CEP112: variants seen among roughly 807,000 people sequenced by gnomAD.
CEP112 encodes centrosomal protein 112, also known as centrosomal protein of 112 kDa.
In CEP112, 127 loss-of-function variants were observed where a neutral mutation model predicts 153.0. The ratio of observed to expected loss-of-function variants is 0.83; its 90% CI spans 0.72 to 0.96. The LOEUF (loss-of-function observed/expected upper bound fraction) is 0.96, where lower values mean the gene tolerates loss of function less well. Among genes scored for constraint, CEP112 ranks in the 40% least tolerant of loss-of-function variants. CEP112 has a pLI of 0.00. For synonymous variants in CEP112, 358 were observed against 374.4 expected, an observed-to-expected ratio of 0.96 and a Z score of 0.51; for missense variants, 1,089 against 1,101.2, an observed-to-expected ratio of 0.99 and a Z score of 0.16.
chr17:66,008,853 T>A (rs369505763), intron 16 of CEP112, among the ~76,000 whole-genome samples: 1 of 137,062 alleles, frequency 7.3e-6, no homozygotes, highest in African/African-American at 2.5e-5. Flanking sequence ...TAAGGCTGCA[T>A]AGTATTCCAC....
intron 6 of CEP112, among the ~76,000 whole-genome samples, chr17:66,127,508 T>C (rs2146503305): frequency 6.8e-6 from 1 of 146,904 alleles, no homozygotes; most frequent in Non-Finnish European, 1.5e-5. Flanking sequence ...TCTCCTTCTC[T>C]AGAAAACTCC....
chr17:65,852,273 C>G, intron 20 of CEP112, among the ~76,000 whole-genome samples: 1 of 60,720 alleles, frequency 1.6e-5, no homozygotes, highest in Non-Finnish European at 3.4e-5. Flanking sequence ...TCCCTCCCTC[C>G]CTCCTTCCCT....
At chr17:65,856,208 A>G (rs1028858868) in intron 20 of CEP112, among the ~76,000 whole-genome samples, 3 of 152,230 alleles carry the variant, frequency 2.0e-5, no homozygotes, top group African/African-American at 7.2e-5. Flanking sequence ...CAAGTTAGCT[A>G]AAGCCAAAGA....
intron 21 of CEP112, among the ~76,000 whole-genome samples, chr17:65,798,964 C>T (rs2055099792): frequency 6.6e-6 from 1 of 152,154 alleles, no homozygotes; most frequent in South Asian, 2.1e-4. Context: ...AATGAACTAA[C>T]TCATTTACTA....
At chr17:65,734,071 G>A (rs2050663821) in intron 23 of CEP112, among the ~76,000 whole-genome samples, 2 of 152,226 alleles carry the variant, frequency 1.3e-5, no homozygotes, top group Non-Finnish European at 2.9e-5. Flanking sequence ...AGGACCCACT[G>A]CAGATACAGC....
chr17:65,747,592 C>T (rs1202837170), intron 22 of CEP112, among the ~76,000 whole-genome samples: 6 of 152,092 alleles, frequency 3.9e-5, no homozygotes, highest in African/African-American at 2.4e-5. Flanking sequence ...ATGTTTTAAG[C>T]GGACTAAACT....
intron 16 of CEP112, among the ~76,000 whole-genome samples, chr17:66,026,447 T>C (rs1312123965): frequency 9.4e-6 from 1 of 106,154 alleles, no homozygotes; most frequent in African/African-American, 3.4e-5. Flanking sequence ...AGTCAGTACT[T>C]TCATTGTTTT....
chr17:66,063,012 T>C lies in CEP112; in HGVS notation c.1025A>G (p.Lys342Arg). Residue 342 changes from lysine to arginine, a missense_variant, in exon 11 of 27, where the codon AAG becomes AGG. Physicochemically the swap from Lys to Arg is conservative, Grantham distance 26 (BLOSUM62 2). Transcript: ENST00000535342. Reference protein sequence around the residue: ...TKEDQIAELKKICEQSTESLN... With the variant: ...TKEDQIAELKRICEQSTESLN... ...AGATTCCGTACTTTGTTCACATATC[T>C]TTTTCAGCTCTGCAATCTGGTCTTC... 1 of 1,601,234 alleles carries C rather than the reference T, an allele frequency of 6.2e-7. No individual in the cohort carries two copies. The highest frequency in any genetic ancestry group is 1.1e-5 in the South Asian group (1 of 88,072).
At chr17:65,826,725 T>A (rs1035421973) in intron 21 of CEP112, among the ~76,000 whole-genome samples, 3 of 152,200 alleles carry the variant, frequency 2.0e-5, no homozygotes, top group Non-Finnish European at 4.4e-5. Context: ...CATTTCGAAA[T>A]ACAGAAAAAT....
intron 6 of CEP112, among the ~76,000 whole-genome samples, chr17:66,126,229 C>T (rs566663992): frequency 3.9e-5 from 6 of 152,140 alleles, no homozygotes; most frequent in Non-Finnish European, 8.8e-5. Context: ...TAGCACTTTA[C>T]AAAGGAAGCT....
intron 21 of CEP112, chr17:65,826,421 G>C (rs1276562398): frequency 6.4e-7 from 1 of 1,567,596 alleles, no homozygotes; most frequent in Non-Finnish European, 8.6e-7. Context: ...CTGATAGAAA[G>C]GTGACTTGGG....
chr17:65,662,127 CCTGA>C (rs970937926), intron 24 of CEP112, among the ~76,000 whole-genome samples: 24 of 152,114 alleles, frequency 1.6e-4, no homozygotes, highest in Non-Finnish European at 1.2e-4. Flanking sequence ...CACCACCACG[CCTGA>C]CTAAGTTCTG....
chr17:65,783,027 T>C (rs1246886792), intron 21 of CEP112, among the ~76,000 whole-genome samples: 3 of 152,078 alleles, frequency 2.0e-5, no homozygotes, highest in African/African-American at 7.2e-5. Context: ...TGCAAACTTT[T>C]AAGACAACAT....
At chr17:65,834,287 A>C (rs1326262478) in intron 21 of CEP112, among the ~76,000 whole-genome samples, 3 of 152,190 alleles carry the variant, frequency 2.0e-5, no homozygotes, top group African/African-American at 7.2e-5. Flanking sequence ...GGACATAGGA[A>C]CAGGCAATGA....
intron 21 of CEP112, among the ~76,000 whole-genome samples, chr17:65,829,537 C>A (rs1374692985): frequency 6.6e-6 from 1 of 152,084 alleles, no homozygotes; most frequent in Non-Finnish European, 1.5e-5. Flanking sequence ...TCCCAACATC[C>A]CTGAGTCTCT....
chr17:66,150,035 G>A (rs1568549622), intron 4 of CEP112, among the ~76,000 whole-genome samples: 5 of 148,032 alleles, frequency 3.4e-5, no homozygotes, highest in Admixed American at 2.0e-4. Context: ...CTGGCACTAC[G>A]GGCGCATGCT....
intron 20 of CEP112, among the ~76,000 whole-genome samples, chr17:65,882,708 A>G (rs1473402476): frequency 6.6e-6 from 1 of 152,256 alleles, no homozygotes; most frequent in African/African-American, 2.4e-5. Context: ...TACAGTAAGT[A>G]TAGGCTTATG....
chr17:65,665,501 C>T (rs534115056), intron 24 of CEP112, among the ~76,000 whole-genome samples: 21 of 152,292 alleles, frequency 1.4e-4, no homozygotes, highest in Non-Finnish European at 1.9e-4. Context: ...TAGGATACTG[C>T]GCGAGGTTCT....
intron 22 of CEP112, 62 bp downstream of exon 22, chr17:65,750,600 T>C: frequency 7.1e-7 from 1 of 1,401,180 alleles, no homozygotes. Context: ...CCAAGGCTTT[T>C]ATGTGGAGGT....
Sources: gnomAD v4.1 joint callset for allele counts (sites outside exome capture counted in the v4.1 genomes callset) on GRCh38, gnomAD v4.1.1 for gene constraint, MANE v1.5 for transcripts, NCBI Gene and HGNC (gene_info 2026-07-23, HGNC 2026-07-21) for gene names.